Variants in ADRA1A observed in about 807,000 individuals in gnomAD.
ADRA1A encodes adrenoceptor alpha 1A.
In ADRA1A, 31 loss-of-function variants were observed where a neutral mutation model predicts 29.6. The ratio of observed to expected loss-of-function variants is 1.05; its 90% CI spans 0.79 to 1.41. The LOEUF (loss-of-function observed/expected upper bound fraction) is 1.41, where lower values mean the gene tolerates loss of function less well. Ranked by LOEUF, ADRA1A falls within the 40% of genes most tolerant of loss-of-function variation. The pLI is 0.00. For missense variants in ADRA1A, 619 were observed against 601.1 expected, an observed-to-expected ratio of 1.03 and a Z score of -0.31; for synonymous variants, 311 against 254.3, an observed-to-expected ratio of 1.22 and a Z score of -2.12.
chr8:26,757,632 T>C (rs1474338302), intron 2 of ADRA1A, among the ~76,000 whole-genome samples: 3 of 152,168 alleles, frequency 2.0e-5, no homozygotes, highest in Non-Finnish European at 4.4e-5. Context: ...TTGGGGGTAT[T>C]ATGGTGATCT....
Position 26,864,592 on chromosome 8 carries a change from G to A in ADRA1A, c.378C>T (p.Ile126=). 1 of 1,614,148 alleles carries A rather than the reference G, an allele frequency of 6.2e-7. No homozygotes were observed. The highest frequency in any genetic ancestry group is 1.7e-5 in the Admixed American group (1 of 60,032). The change falls in exon 2 of 3, where the codon ATC becomes ATT. Residue 126 remains isoleucine, a synonymous_variant. Transcript: ENST00000380573. This position sits in a 1 kb window ranked among gnomAD's most constrained non-coding sequence, Gnocchi z 8.1. ...GLCIISIDRY[I]GVSYPLRYPT... Reference sequence around the variant, plus strand: ...GGTAGCGCAGCGGGTAGCTCACGCCGATGTAGCGGTCGATGGAGATGATGC... The same window carrying A: ...GGTAGCGCAGCGGGTAGCTCACGCCAATGTAGCGGTCGATGGAGATGATGC...
At chr8:26,813,713 G>A (rs1809572822) in intron 2 of ADRA1A, among the ~76,000 whole-genome samples, 1 of 150,844 alleles carries the variant, frequency 6.6e-6, no homozygotes, top group Non-Finnish European at 1.5e-5. Flanking sequence ...GTAATCAATA[G>A]CTAGTTTTGA....
chr8:26,814,762 T>C (rs772852376), intron 2 of ADRA1A, among the ~76,000 whole-genome samples: 9 of 152,240 alleles, frequency 5.9e-5, no homozygotes, highest in Admixed American at 1.3e-4. Context: ...TTTAGGATGG[T>C]GGAATTTTAG....
rs180959905 is a variant in ADRA1A at position 26,777,018 on chromosome 8, T to G, written c.884-6352A>C. Among the ~76,000 whole-genome samples the G allele has an allele frequency of 2.8e-3, 426 of 152,254 alleles. 8 individuals carry two copies. The highest frequency in any genetic ancestry group is 0.023 in the Admixed American group (355 of 15,294). Reference sequence around the variant, plus strand: ...TAACATTCAGGCCAGACCCAATGGCTCCTTCTTACCAGGAAGAAAACTGCC... The same window carrying G: ...TAACATTCAGGCCAGACCCAATGGCGCCTTCTTACCAGGAAGAAAACTGCC... On this transcript the variant is annotated intron_variant, in intron 2 of 2. Transcript: ENST00000380573.
intron 2 of ADRA1A, among the ~76,000 whole-genome samples, chr8:26,863,503 T>G (rs933527579): frequency 6.6e-6 from 1 of 152,194 alleles, no homozygotes; most frequent in African/African-American, 2.4e-5. Flanking sequence ...GGTTTGGACA[T>G]AAAATCATTT....
At chr8:26,783,606 G>A (rs1026800211) in intron 2 of ADRA1A, among the ~76,000 whole-genome samples, 4 of 152,244 alleles carry the variant, frequency 2.6e-5, no homozygotes, top group African/African-American at 9.6e-5. Flanking sequence ...ACCCAAGACA[G>A]GCATAAAAAT....
At chr8:26,818,330 T>G (rs1399633336) in intron 2 of ADRA1A, among the ~76,000 whole-genome samples, 1 of 152,192 alleles carries the variant, frequency 6.6e-6, no homozygotes, top group East Asian at 1.9e-4. Context: ...AATCTTAATA[T>G]TAAAAATGAA....
At chr8:26,857,733 A>C (rs766318724) in intron 2 of ADRA1A, among the ~76,000 whole-genome samples, 5 of 152,190 alleles carry the variant, frequency 3.3e-5, no homozygotes, top group Admixed American at 6.5e-5. Context: ...CTAAGAGGTG[A>C]ACCTTTTCCA....
rs772196043 is a variant in ADRA1A at position 26,864,523 on chromosome 8, G to T, written c.447C>A (p.Cys149Ter). 2.5e-6 allele frequency: 4 copies of T among 1,613,926 alleles called. No individual in the cohort carries two copies. Among genetic ancestry groups the T allele is most frequent in the African/African-American group, 1.3e-5 (1 of 74,924 alleles). Residue 149 changes from cysteine (C) to a stop codon, truncating the protein, a stop_gained, in exon 2 of 3, where the codon TGC becomes TGA. Transcript: ENST00000380573. LOFTEE classifies it high-confidence loss of function. The surrounding 1 kb of genome is among the most constrained non-coding windows in gnomAD (Gnocchi z 8.1). ...TQRRGLMALL[C>*]VWALSLVISI... ...ATATGACCAGGGAGAGTGCCCAGAC[G>T]CAGAGCAGAGCCATGAGACCCCTCC...
rs1808957340 is a variant in ADRA1A, at chr8:26,806,073, C to T, written c.884-35407G>A. ...TGCTTGCTCTTCCTATTTTATCCTT[C>T]CAGGCATGTGGCAGCTTTACCTAAT... is the stretch of plus-strand genomic sequence containing the variant. On this transcript the variant is annotated intron_variant, in intron 2 of 2. Coordinates refer to ENST00000380573, the MANE Select transcript of ADRA1A (RefSeq NM_000680.4). This position sits in a 1 kb window ranked among gnomAD's most constrained non-coding sequence, Gnocchi z 4.6. Among the ~76,000 whole-genome samples the T allele has an allele frequency of 1.3e-5, 2 of 152,224 alleles. No homozygotes were observed. The highest frequency in any genetic ancestry group is 2.1e-4 in the South Asian group (1 of 4,830).
rs376671984 is a variant in ADRA1A at position 26,756,794 on chromosome 8, G to A, written c.1270-15C>T. 1.1e-5 allele frequency: 17 copies of A among 1,608,506 alleles called. No homozygotes were observed. In the African/African-American group the frequency reaches 2.1e-4, roughly 20 times the overall value. ...GGTGTGTGTCCCTTTAAAACACAAG[G>A]TAGACTAACATTTAATTAATCATGC... is the stretch of plus-strand genomic sequence containing the variant. On this transcript the variant is annotated splice_polypyrimidine_tract_variant and intron_variant, in intron 2 of 2. Transcript: ENST00000380582.
At chr8:26,846,861 C>G (rs930060149) in intron 2 of ADRA1A, among the ~76,000 whole-genome samples, 2 of 152,180 alleles carry the variant, frequency 1.3e-5, no homozygotes, top group African/African-American at 4.8e-5. Flanking sequence ...AAATATGGCA[C>G]ATATACACCA....
intron 2 of ADRA1A, among the ~76,000 whole-genome samples, chr8:26,798,254 C>G (rs1808321213): frequency 6.6e-6 from 1 of 152,216 alleles, no homozygotes; most frequent in Non-Finnish European, 1.5e-5. Context: ...GCTGGGATTA[C>G]AAGTGTGAGC....
intron 2 of ADRA1A, among the ~76,000 whole-genome samples, chr8:26,785,288 C>G (rs2130381412): frequency 6.6e-6 from 1 of 152,272 alleles, no homozygotes; most frequent in Non-Finnish European, 1.5e-5. Flanking sequence ...TCAATAACTC[C>G]TAAATTTTCT....
intron 2 of ADRA1A, among the ~76,000 whole-genome samples, chr8:26,838,381 A>T (rs1269162846): frequency 6.6e-6 from 1 of 152,070 alleles, no homozygotes; most frequent in African/African-American, 2.4e-5. Flanking sequence ...GAAAATCCAG[A>T]CCCTTCACCC....
rs1397058169 is a variant in ADRA1A at position 26,841,237 on chromosome 8, G to T, written c.883+22850C>A. Among the ~76,000 whole-genome samples, 1 of 152,260 alleles carries T rather than the reference G, an allele frequency of 6.6e-6. No homozygotes were observed. Among genetic ancestry groups the T allele is most frequent in the African/African-American group, 2.4e-5 (1 of 41,550 alleles). Reference sequence around the variant, plus strand: ...AATCACAAAAAGAATCCAGTGGAAGGGAAGTGGGAAGTAGCAGGCAGATCA... The same window carrying T: ...AATCACAAAAAGAATCCAGTGGAAGTGAAGTGGGAAGTAGCAGGCAGATCA... On this transcript the variant is annotated intron_variant, in intron 2 of 2. Transcript: ENST00000380573. The surrounding 1 kb of genome is among the most constrained non-coding windows in gnomAD (Gnocchi z 4.4).
downstream of ADRA1A, among the ~76,000 whole-genome samples, chr8:26,762,227 C>A (rs1372001773): frequency 6.6e-6 from 1 of 152,154 alleles, no homozygotes; most frequent in African/African-American, 2.4e-5. The surrounding 1 kb of genome is among the most constrained non-coding windows in gnomAD (Gnocchi z 4.0). Context: ...CCACTCTGAC[C>A]ACCAGCTCTT....
At chr8:26,759,568 T>C (rs1184236921) in intron 2 of ADRA1A, among the ~76,000 whole-genome samples, 3 of 152,220 alleles carry the variant, frequency 2.0e-5, no homozygotes, top group African/African-American at 7.2e-5. Flanking sequence ...CCTCCTTCTC[T>C]GCTCTTTACA....
chr8:26,797,683 C>T (rs1808276483), intron 2 of ADRA1A, among the ~76,000 whole-genome samples: 1 of 152,112 alleles, frequency 6.6e-6, no homozygotes, highest in East Asian at 1.9e-4. Flanking sequence ...ACAGAGTCTA[C>T]ATACACAAAA....
Sources: gnomAD v4.1 joint callset for allele counts (sites outside exome capture counted in the v4.1 genomes callset) on GRCh38, gnomAD v4.1.1 for gene constraint, Gnocchi (gnomAD v3.1) non-coding constraint, MANE v1.5 for transcripts, NCBI Gene and HGNC (gene_info 2026-07-23, HGNC 2026-07-21) for gene names.